Variants in SYN3 observed in about 807,000 individuals in gnomAD.
SYN3 encodes synapsin III.
In SYN3, 35 loss-of-function variants were observed where a neutral mutation model predicts 65.8. The observed-to-expected ratio is 0.53, with a 90% CI of 0.41 to 0.70. The LOEUF is 0.70. SYN3 is among the 30% of genes least tolerant of loss of function. The pLI is 0.00. For missense variants in SYN3, 680 were observed against 749.0 expected (o/e 0.91, Z 1.08); for synonymous variants, 270 against 292.9 (o/e 0.92, Z 0.80).
At chr22:32,923,219 G>A (rs1050132349) in intron 4 of SYN3, among the ~76,000 whole-genome samples, 13 of 152,148 alleles carry the variant, frequency 8.5e-5, no homozygotes, top group African/African-American at 2.9e-4. Flanking sequence ...TAAGAACCAG[G>A]AGCGTTGATG....
chr22:32,859,294 A>G, intron 6 of SYN3: 1 of 1,614,180 alleles, frequency 6.2e-7, no homozygotes, highest in Non-Finnish European at 8.5e-7. Context: ...CTACGCCTGC[A>G]TCCGGCAGAA....
rs73162096 is a variant in SYN3, at chr22:33,038,885, G to A, written c.-163+19407C>T. 6.1e-3 allele frequency among the ~76,000 whole-genome samples: 930 copies of A among 152,286 alleles called. 8 individuals carry two copies. Among genetic ancestry groups the A allele is most frequent in the South Asian group, 0.029 (139 of 4,820 alleles). ...GCCAAAGGATCCCTGAGCTGCAGGC[G>A]GAAGCCCCGGGGCTGTTCTGGGGCT... On this transcript the variant is annotated intron_variant, in intron 1 of 13. Coordinates refer to ENST00000358763, the MANE Select transcript of SYN3 (RefSeq NM_003490.4).
intron 2 of SYN3, among the ~76,000 whole-genome samples, chr22:33,005,351 C>T (rs967420615): frequency 6.6e-6 from 1 of 152,200 alleles, no homozygotes; most frequent in African/African-American, 2.4e-5. Flanking sequence ...ATGCTTCCAT[C>T]TCCATAGTTG....
At chr22:32,953,670 G>A (rs545943223) in intron 3 of SYN3, among the ~76,000 whole-genome samples, 2 of 152,080 alleles carry the variant, frequency 1.3e-5, no homozygotes, top group Non-Finnish European at 1.5e-5. Context: ...AAGAAGATGA[G>A]ATCAGAGAGG....
At chr22:32,537,565 AC>A (rs749914388) in intron 9 of SYN3, among the ~76,000 whole-genome samples, 19 of 152,270 alleles carry the variant, frequency 1.2e-4, no homozygotes, top group Admixed American at 7.2e-4. Flanking sequence ...TGGGACGTCA[AC>A]CTTTCCCTAT....
intron 1 of SYN3, among the ~76,000 whole-genome samples, chr22:33,058,015 C>A (rs1435849674): frequency 6.6e-6 from 1 of 152,128 alleles, no homozygotes; most frequent in Non-Finnish European, 1.5e-5. Flanking sequence ...TTGCGCGCCC[C>A]CGGCTCCCGG....
At chr22:33,010,775 C>T (rs192669060) in intron 1 of SYN3, among the ~76,000 whole-genome samples, 1 of 151,978 alleles carries the variant, frequency 6.6e-6, no homozygotes, top group Non-Finnish European at 1.5e-5. Flanking sequence ...CACAGTAGAC[C>T]CCTCTACTCA....
chr22:32,988,975 T>A (rs1162098244), intron 2 of SYN3, among the ~76,000 whole-genome samples: 1 of 146,620 alleles, frequency 6.8e-6, no homozygotes, highest in African/African-American at 2.5e-5. Flanking sequence ...CTTCCGTAGA[T>A]GGGGATAAGA....
intron 4 of SYN3, among the ~76,000 whole-genome samples, chr22:32,884,475 T>A (rs1480360179): frequency 1.3e-5 from 2 of 152,214 alleles, no homozygotes; most frequent in Non-Finnish European, 2.9e-5. Context: ...CATAAGCCAA[T>A]CCACATAAAG....
chr22:32,517,428 C>A (rs1490790630), intron 13 of SYN3, among the ~76,000 whole-genome samples: 3 of 152,180 alleles, frequency 2.0e-5, no homozygotes, highest in African/African-American at 4.8e-5. Context: ...GACCATCCAG[C>A]CTCAGTGAAG....
intron 6 of SYN3, among the ~76,000 whole-genome samples, chr22:32,803,026 AGGCTTGTCTGGGAGTGTTTG>A (rs1023077083): frequency 2.6e-5 from 4 of 151,938 alleles, no homozygotes; most frequent in Admixed American, 2.6e-4. Context: ...GCATCCTGGG[AGGCTTGTCTGGGAGTGTTTG>A]GGACACTTGT....
At position 33,006,778 on chromosome 22, in the gene SYN3, G is replaced by T; in HGVS notation, c.-116C>A. On this transcript the variant is annotated 5_prime_UTR_variant, in exon 2 of 14. Coordinates refer to ENST00000358763, the MANE Select transcript of SYN3 (RefSeq NM_003490.4). ...AGGACTTTAGCCAGAAGAGCCAGGG[G>T]GATTTTGCGCAACCAGCAGTCAGCT... The T allele has an allele frequency of 9.4e-7, 1 of 1,065,716 alleles. No homozygotes were observed. The highest frequency in any genetic ancestry group is 1.3e-6 in the Non-Finnish European group (1 of 747,080). The allele number at this position is 1,065,716 out of a possible 1,614,324, so 66.0% of individuals were successfully genotyped here.
chr22:32,768,915 T>A (rs190110090), intron 6 of SYN3, among the ~76,000 whole-genome samples: 1 of 152,140 alleles, frequency 6.6e-6, no homozygotes. Context: ...CAGCACCACA[T>A]CTACCCACCT....
intron 6 of SYN3, among the ~76,000 whole-genome samples, chr22:32,757,172 T>G (rs575729781): frequency 6.6e-6 from 1 of 152,134 alleles, no homozygotes; most frequent in Admixed American, 6.5e-5. Context: ...CTCACACCAT[T>G]ACATTCTGCT....
At chr22:32,577,602 C>T (rs1601677532) in intron 7 of SYN3, among the ~76,000 whole-genome samples, 1 of 152,222 alleles carries the variant, frequency 6.6e-6, no homozygotes, top group South Asian at 2.1e-4. Flanking sequence ...GCTTATATTT[C>T]TGCTTTAGAG....
intron 6 of SYN3, among the ~76,000 whole-genome samples, chr22:32,718,166 G>A (rs1194724575): frequency 6.6e-6 from 1 of 152,084 alleles, no homozygotes; most frequent in Non-Finnish European, 1.5e-5. Flanking sequence ...CCAGTCTGGC[G>A]AGTAGGCAGT....
chr22:32,814,133 TGTGTGTGTGA>T (rs750986941), intron 6 of SYN3, among the ~76,000 whole-genome samples: 443 of 75,612 alleles, frequency 5.9e-3, no homozygotes, highest in South Asian at 0.017. Context: ...TGTGTGTGTG[TGTGTGTGTGA>T]GAGAGAGAGA....
chr22:32,635,353 G>A (rs8136931), intron 6 of SYN3, among the ~76,000 whole-genome samples: 13,029 of 151,682 alleles, frequency 0.086, 1,257 homozygotes, highest in African/African-American at 0.23. Context: ...GGCTGTATTC[G>A]GCCTGTATTT....
chr22:32,733,201 C>A (rs912332947), intron 6 of SYN3, among the ~76,000 whole-genome samples: 3 of 152,006 alleles, frequency 2.0e-5, no homozygotes, highest in Non-Finnish European at 4.4e-5. Context: ...TGCCACAAAG[C>A]GAAATTTGAT....
Sources: gnomAD v4.1 joint callset for allele counts (sites outside exome capture counted in the v4.1 genomes callset) on GRCh38, gnomAD v4.1.1 for gene constraint, MANE v1.5 for transcripts, NCBI Gene and HGNC (gene_info 2026-07-23, HGNC 2026-07-21) for gene names.